SLC12A7: variants seen among roughly 807,000 people sequenced by gnomAD.
SLC12A7 encodes solute carrier family 12 member 7, also known as K-Cl cotransporter 4.
A neutral mutation model predicts 120.6 loss-of-function variants in SLC12A7; 100 were observed. The ratio of observed to expected loss-of-function variants is 0.83; its 90% confidence interval spans 0.71 to 0.98. The LOEUF (loss-of-function observed/expected upper bound fraction) is 0.98, where lower values mean the gene tolerates loss of function less well. SLC12A7 is among the 50% of genes least tolerant of loss of function. SLC12A7 has a pLI of 0.00. For synonymous variants in SLC12A7, 760 were observed against 678.0 expected (o/e 1.12, Z -1.88); for missense variants, 1,373 against 1,548.1 (o/e 0.89, Z 1.90).
In SLC12A7 at chr5:1,108,232, G is replaced by A. The variant is rs1317909542; in HGVS notation, c.124+3636C>T. Among the ~76,000 whole-genome samples, 3 of 152,232 alleles carry A rather than the reference G, an allele frequency of 2.0e-5. No individual in the cohort carries two copies. The East Asian group carries it at 5.8e-4, about 29-fold the overall frequency. On this transcript the variant is annotated intron_variant, in intron 1 of 23. Transcript: ENST00000264930. ...CTGACCTAAAGCACCATGCTTTACC[G>A]CATGCCTGCTAAGGAGAGCCTCTTG...
chr5:1,058,182 C>T (rs954897246), intron 21 of SLC12A7, among the ~76,000 whole-genome samples: 39 of 152,336 alleles, frequency 2.6e-4, no homozygotes, highest in African/African-American at 7.0e-4. Flanking sequence ...GGGCCGGCCC[C>T]CTGTGCGTCA....
At chr5:1,136,918 CCAA>C in the SLC12A7 span, among the ~76,000 whole-genome samples, 95 of 150,434 alleles carry the variant, frequency 6.3e-4, no homozygotes, top group African/African-American at 2.3e-3. Context: ...TGCTCAGACA[CCAA>C]CACCAGGACA....
upstream of SLC12A7, among the ~76,000 whole-genome samples, chr5:1,115,767 G>A (rs1171810253): frequency 1.3e-5 from 2 of 151,584 alleles, no homozygotes; most frequent in East Asian, 3.9e-4. Flanking sequence ...CTTGCCTGTT[G>A]GCCCAGCACC....
At chr5:1,116,475 C>T (rs1027219421), upstream of SLC12A7, among the ~76,000 whole-genome samples, 1 of 152,208 alleles carries the variant, frequency 6.6e-6, no homozygotes, top group African/African-American at 2.4e-5. Flanking sequence ...CCACAGAGCT[C>T]GTCTCAGACC....
chr5:1,134,245 G>A, the SLC12A7 span, among the ~76,000 whole-genome samples: 5 of 151,884 alleles, frequency 3.3e-5, no homozygotes, highest in East Asian at 1.9e-4. Flanking sequence ...CAAGGTGGGC[G>A]GATCACCTGA....
the SLC12A7 span, among the ~76,000 whole-genome samples, chr5:1,140,118 C>T: frequency 6.6e-6 from 1 of 152,218 alleles, no homozygotes; most frequent in African/African-American, 2.4e-5. Context: ...ACCCCAGAGG[C>T]GCCGTCCTGC....
intron 16 of SLC12A7, 87 bp from the exon 17 acceptor site, chr5:1,073,888 G>A: frequency 8.0e-7 from 1 of 1,247,686 alleles, no homozygotes; most frequent in Non-Finnish European, 1.0e-6. Flanking sequence ...GACGGGCGGG[G>A]CACACGACAC....
chr5:1,142,126 ACCCGGC>A, the SLC12A7 span, among the ~76,000 whole-genome samples: 7 of 149,960 alleles, frequency 4.7e-5, no homozygotes, highest in African/African-American at 1.5e-4. Flanking sequence ...CAGTCAGTTC[ACCCGGC>A]CACCCCTGGC....
At chr5:1,096,118 A>G (rs1038664673) in intron 1 of SLC12A7, among the ~76,000 whole-genome samples, 8 of 152,238 alleles carry the variant, frequency 5.3e-5, no homozygotes, top group African/African-American at 1.9e-4. Flanking sequence ...TGTGATCATT[A>G]ACTCCCTGAT....
chr5:1,150,850 G>A, the SLC12A7 span, among the ~76,000 whole-genome samples: 1 of 152,250 alleles, frequency 6.6e-6, no homozygotes, highest in African/African-American at 2.4e-5. Context: ...GCCTCCGCCT[G>A]GGATCTGCAC....
the SLC12A7 span, among the ~76,000 whole-genome samples, chr5:1,118,007 C>T: frequency 3.3e-5 from 5 of 152,214 alleles, no homozygotes; most frequent in East Asian, 1.9e-4. Flanking sequence ...ACCCGGGAGG[C>T]GGAGCTTGCA....
intron 1 of SLC12A7, among the ~76,000 whole-genome samples, chr5:1,094,908 C>A: frequency 6.6e-6 from 1 of 151,990 alleles, no homozygotes; most frequent in Non-Finnish European, 1.5e-5. Context: ...TAGCAGCTGC[C>A]CGAGAGCATG....
the SLC12A7 span, among the ~76,000 whole-genome samples, chr5:1,126,887 G>A: frequency 6.6e-6 from 1 of 152,222 alleles, no homozygotes; most frequent in African/African-American, 2.4e-5. Context: ...GGCTTCCCCA[G>A]AAGGATATGT....
chr5:1,131,180 C>T, the SLC12A7 span, among the ~76,000 whole-genome samples: 5 of 152,254 alleles, frequency 3.3e-5, no homozygotes, highest in East Asian at 3.9e-4. Flanking sequence ...AGGGGACTCA[C>T]GGGGACACGT....
chr5:1,082,274 G>A (rs1395447746), intron 8 of SLC12A7, among the ~76,000 whole-genome samples: 1 of 150,666 alleles, frequency 6.6e-6, no homozygotes, highest in African/African-American at 2.5e-5. Flanking sequence ...GAAAGTCCGG[G>A]CTTCCCCGTC....
chr5:1,076,682 G>A lies in SLC12A7; in HGVS notation c.1748+12C>T, dbSNP rs1738382675. 6.3e-7 allele frequency: 1 copy of A among 1,598,394 alleles called. No homozygotes were observed. Among genetic ancestry groups the A allele is most frequent in the Non-Finnish European group, 8.6e-7 (1 of 1,169,412 alleles). ...ACACCCATCCCCAGGTCCCCGTCCTGTGGGGGCTCACATGGAGAGGATCGG... is the reference window on the plus strand; with the variant it reads ...ACACCCATCCCCAGGTCCCCGTCCTATGGGGGCTCACATGGAGAGGATCGG... On this transcript the variant is annotated intron_variant, in intron 13 of 23. Transcript: ENST00000264930.
intron 19 of SLC12A7, 40 bp from the exon 20 acceptor site, chr5:1,064,015 G>T: frequency 6.2e-7 from 1 of 1,604,510 alleles, no homozygotes; most frequent in South Asian, 1.1e-5. Context: ...CCTCAGAGGA[G>T]CCCGTCCCGG....
At chr5:1,148,637 C>A in the SLC12A7 span, among the ~76,000 whole-genome samples, 1 of 152,294 alleles carries the variant, frequency 6.6e-6, no homozygotes, top group Non-Finnish European at 1.5e-5. Flanking sequence ...CAGCCTCAGT[C>A]GAGGAATGAG....
chr5:1,097,536 AC>A (rs1741391445), intron 1 of SLC12A7, among the ~76,000 whole-genome samples: 1 of 152,204 alleles, frequency 6.6e-6, no homozygotes, highest in African/African-American at 2.4e-5. Flanking sequence ...ACAGGGTCAC[AC>A]CCGAGATCCC....
Sources: gnomAD v4.1 joint callset for allele counts (sites outside exome capture counted in the v4.1 genomes callset) on GRCh38, gnomAD v4.1.1 for gene constraint, MANE v1.5 for transcripts, NCBI Gene and HGNC (gene_info 2026-07-23, HGNC 2026-07-21) for gene names.